Variants in RAD51B observed in about 807,000 individuals in gnomAD.
The protein encoded by RAD51B is DNA repair protein RAD51 homolog 2.
Under a neutral mutation model 42.2 loss-of-function variants are expected in RAD51B, and 38 were observed. That is an observed-to-expected ratio of 0.90 (90% CI 0.70 to 1.18). The LOEUF (loss-of-function observed/expected upper bound fraction) is 1.18. RAD51B is among the 50% of genes most tolerant of loss of function. The pLI, the probability that RAD51B is intolerant of heterozygous loss-of-function variation, is 0.00. For missense variants in RAD51B, 373 were observed against 400.7 expected (o/e 0.93, Z 0.59); for synonymous variants, 154 against 145.2 (o/e 1.06, Z -0.43).
At chr14:67,832,566 A>T (rs2041091288) in intron 3 of RAD51B, among the ~76,000 whole-genome samples, 1 of 152,168 alleles carries the variant, frequency 6.6e-6, no homozygotes, top group Non-Finnish European at 1.5e-5. Context: ...CAATTCTCTT[A>T]GTCTCAGTTT....
intron 7 of RAD51B, among the ~76,000 whole-genome samples, chr14:67,950,865 T>C (rs1445816290): frequency 6.6e-6 from 1 of 152,154 alleles, no homozygotes; most frequent in Non-Finnish European, 1.5e-5. Context: ...AATGGACTAA[T>C]TTTCATATTT....
chr14:68,319,767 G>T (rs1170964509), intron 8 of RAD51B, among the ~76,000 whole-genome samples: 1 of 152,120 alleles, frequency 6.6e-6, no homozygotes, highest in Non-Finnish European at 1.5e-5. Context: ...TAATTCTTCT[G>T]TAAAATGTCT....
At chr14:68,038,601 C>T (rs2076169864) in intron 7 of RAD51B, among the ~76,000 whole-genome samples, 1 of 152,062 alleles carries the variant, frequency 6.6e-6, no homozygotes, top group Admixed American at 6.5e-5. Flanking sequence ...ATTTCTTTAA[C>T]ACACAAAATT....
chr14:68,496,629 G>A (rs373683829), intron 10 of RAD51B, among the ~76,000 whole-genome samples: 1 of 152,254 alleles, frequency 6.6e-6, no homozygotes, highest in African/African-American at 2.4e-5. Flanking sequence ...AGGCAGGGAT[G>A]GGGTCTTCTC....
At chr14:68,026,303 G>A (rs2075955764) in intron 7 of RAD51B, among the ~76,000 whole-genome samples, 1 of 152,146 alleles carries the variant, frequency 6.6e-6, no homozygotes, top group Non-Finnish European at 1.5e-5. Context: ...ATGTGGAGAT[G>A]AGAAGAATAT....
chr14:67,852,547 A>G (rs1157698633), intron 4 of RAD51B, among the ~76,000 whole-genome samples: 1 of 152,212 alleles, frequency 6.6e-6, no homozygotes, highest in Non-Finnish European at 1.5e-5. Flanking sequence ...TCTGCAGAGT[A>G]TGTGATCCAA....
chr14:68,233,178 T>A (rs1020924580), intron 7 of RAD51B, among the ~76,000 whole-genome samples: 3 of 152,198 alleles, frequency 2.0e-5, no homozygotes, highest in Non-Finnish European at 2.9e-5. Context: ...TGACCACTTA[T>A]TTTTATATCT....
rs535288851 is a variant in RAD51B, at chr14:68,653,219, G to A, written c.*11+2363G>A. Among the ~76,000 whole-genome samples the A allele has an allele frequency of 4.6e-5, 7 of 152,192 alleles. No homozygotes were observed. In the South Asian group the frequency reaches 6.2e-4, roughly 14 times the overall value. ...GCAGTTATTGAAAGCTGGGTGCCTC[G>A]GTGCATGCCTGTAGTTTCAGCTACT... On this transcript the variant is annotated intron_variant, in intron 11 of 11. Coordinates refer to the RAD51B transcript ENST00000488612.
chr14:68,004,015 A>G (rs1038273690), intron 7 of RAD51B, among the ~76,000 whole-genome samples: 5 of 152,160 alleles, frequency 3.3e-5, no homozygotes, highest in Non-Finnish European at 7.3e-5. Context: ...TGTAGTGTTA[A>G]ATCATCCTTG....
chr14:68,105,646 T>C (rs1465805866), intron 7 of RAD51B, among the ~76,000 whole-genome samples: 1 of 152,006 alleles, frequency 6.6e-6, no homozygotes, highest in African/African-American at 2.4e-5. Context: ...TATTGTAAAA[T>C]CTATACCCAG....
intron 7 of RAD51B, among the ~76,000 whole-genome samples, chr14:68,186,889 T>C (rs2079168556): frequency 6.6e-6 from 1 of 152,158 alleles, no homozygotes. Context: ...AACAAATTTT[T>C]CTACGAAAAA....
intron 7 of RAD51B, among the ~76,000 whole-genome samples, chr14:67,975,031 A>G (rs1345134422): frequency 6.6e-6 from 1 of 152,154 alleles, no homozygotes; most frequent in Non-Finnish European, 1.5e-5. Context: ...CTGGCTTCAC[A>G]TCTGTATTAG....
chr14:67,884,566 C>T (rs552494780), intron 5 of RAD51B, among the ~76,000 whole-genome samples: 1 of 152,232 alleles, frequency 6.6e-6, no homozygotes, highest in Admixed American at 6.5e-5. Context: ...TCCCCCAAAC[C>T]CTCAGGATTT....
At chr14:68,354,310 A>C (rs1479284428) in intron 8 of RAD51B, among the ~76,000 whole-genome samples, 1 of 141,040 alleles carries the variant, frequency 7.1e-6, no homozygotes, top group East Asian at 2.1e-4. Flanking sequence ...TTCACCTCCC[A>C]GGTTCAAGCG....
chr14:68,433,124 G>A (rs1402703460), intron 9 of RAD51B, among the ~76,000 whole-genome samples: 1 of 152,208 alleles, frequency 6.6e-6, no homozygotes, highest in Non-Finnish European at 1.5e-5. Flanking sequence ...TCAGCTGTTA[G>A]TTTGATGGGC....
intron 10 of RAD51B, among the ~76,000 whole-genome samples, chr14:68,559,249 G>A (rs1016622512): frequency 3.3e-5 from 5 of 151,846 alleles, no homozygotes; most frequent in African/African-American, 1.2e-4. Flanking sequence ...ACAAATATCT[G>A]TACAAACACC....
At chr14:68,021,266 T>A (rs981164483) in intron 7 of RAD51B, among the ~76,000 whole-genome samples, 1 of 152,182 alleles carries the variant, frequency 6.6e-6, no homozygotes, top group Non-Finnish European at 1.5e-5. Flanking sequence ...AGGGAGAACA[T>A]TGCCTCCTGA....
chr14:67,904,615 A>G (rs372930193), intron 7 of RAD51B, among the ~76,000 whole-genome samples: 4 of 147,720 alleles, frequency 2.7e-5, no homozygotes, highest in East Asian at 4.0e-4. Context: ...GGTTCAAGTG[A>G]TTCTCCTGCC....
downstream of RAD51B, among the ~76,000 whole-genome samples, chr14:68,480,472 A>G (rs989231735): frequency 2.0e-4 from 31 of 152,274 alleles, no homozygotes; most frequent in Middle Eastern, 3.4e-3. Flanking sequence ...CTGGTGCCCA[A>G]TATGGGGTGA....
Sources: gnomAD v4.1 joint callset for allele counts (sites outside exome capture counted in the v4.1 genomes callset) on GRCh38, gnomAD v4.1.1 for gene constraint, MANE v1.5 for transcripts, NCBI Gene and HGNC (gene_info 2026-07-23, HGNC 2026-07-21) for gene names.